The following CTNNA2 variants were observed in gnomAD, a reference collection of about 807,000 sequenced individuals.
The protein encoded by CTNNA2 is catenin alpha-2.
CTNNA2 carries 42 observed loss-of-function variants against 101.0 expected under a neutral mutation model. The ratio of observed to expected loss-of-function variants is 0.42; its 90% CI spans 0.32 to 0.54. The LOEUF (loss-of-function observed/expected upper bound fraction) is 0.54. CTNNA2 is among the 20% of genes least tolerant of loss of function. The probability of loss-of-function intolerance (pLI) is 0.14; values close to 1 mark genes in which losing one functional copy is unlikely to be tolerated. For missense variants in CTNNA2, 871 were observed against 1,223.1 expected, an observed-to-expected ratio of 0.71 and a Z score of 4.29; for synonymous variants, 450 against 456.4, an observed-to-expected ratio of 0.99 and a Z score of 0.18.
rs200120084 is a variant in CTNNA2, at chr2:80,326,657, AAG to A, written c.1057-66549_1057-66548del. Reference sequence around the variant, plus strand: ...AATAGTTCTAATTTTTTTTTAAAAAAAGAGAGGGGGAGAAGATAGAGATTCTA... The same window carrying A: ...AATAGTTCTAATTTTTTTTTAAAAAAAGAGGGGGAGAAGATAGAGATTCTA... On this transcript the variant is annotated intron_variant, in intron 7 of 18. Coordinates refer to ENST00000402739, the MANE Select transcript of CTNNA2 (RefSeq NM_001282597.3). 3.7e-3 allele frequency among the ~76,000 whole-genome samples: 557 copies of A among 152,286 alleles called. 3 individuals are homozygous for A. The highest frequency in any genetic ancestry group is 0.012 in the African/African-American group (516 of 41,556).
intron 7 of CTNNA2, among the ~76,000 whole-genome samples, chr2:80,167,322 A>T (rs1255045217): frequency 3.3e-5 from 5 of 152,234 alleles, no homozygotes; most frequent in South Asian, 2.1e-4. Flanking sequence ...GAATCATTAT[A>T]ATTGAAATAA....
chr2:80,127,140 T>C (rs1702180354), intron 7 of CTNNA2, among the ~76,000 whole-genome samples: 2 of 152,224 alleles, frequency 1.3e-5, no homozygotes, highest in Admixed American at 6.5e-5. Flanking sequence ...GATGTTTGCA[T>C]TGTGATTAGG....
chr2:80,545,392 A>G (rs1558571281), intron 10 of CTNNA2, among the ~76,000 whole-genome samples: 1 of 150,702 alleles, frequency 6.6e-6, no homozygotes, highest in Non-Finnish European at 1.5e-5. Flanking sequence ...ACAAAAAAAT[A>G]AACTAGCTGG....
intron 9 of CTNNA2, among the ~76,000 whole-genome samples, chr2:80,436,756 C>T (rs1013162329): frequency 1.3e-5 from 2 of 152,098 alleles, no homozygotes; most frequent in African/African-American, 4.8e-5. Context: ...ATGGAAGAGG[C>T]AAACAAGCTC....
intron 3 of CTNNA2, among the ~76,000 whole-genome samples, chr2:79,331,306 G>T (rs907702632): frequency 8.5e-5 from 13 of 152,092 alleles, no homozygotes; most frequent in African/African-American, 3.1e-4. Context: ...CCTCCATTAT[G>T]GTGTCTATGG....
intron 7 of CTNNA2, among the ~76,000 whole-genome samples, chr2:80,198,661 A>G (rs536602794): frequency 6.6e-6 from 1 of 152,304 alleles, no homozygotes; most frequent in South Asian, 2.1e-4. Context: ...AGAACAGTAT[A>G]TTCTCTCCTG....
At chr2:80,210,372 C>T (rs1558905840) in intron 7 of CTNNA2, among the ~76,000 whole-genome samples, 1 of 151,858 alleles carries the variant, frequency 6.6e-6, no homozygotes, top group Non-Finnish European at 1.5e-5. Context: ...CCTCCCCATA[C>T]CCCATGACAG....
chr2:80,053,476 G>A (rs952348880), intron 7 of CTNNA2, among the ~76,000 whole-genome samples: 2 of 152,180 alleles, frequency 1.3e-5, no homozygotes, highest in Non-Finnish European at 1.5e-5. Context: ...ATTTTGTTAC[G>A]TGGTGTAATT....
At chr2:79,995,414 T>A (rs906228248) in intron 7 of CTNNA2, among the ~76,000 whole-genome samples, 3 of 152,184 alleles carry the variant, frequency 2.0e-5, no homozygotes, top group Non-Finnish European at 2.9e-5. Flanking sequence ...TGCAGCCATC[T>A]AGCATCTATA....
At chr2:79,503,682 A>G (rs1203853174) in intron 4 of CTNNA2, among the ~76,000 whole-genome samples, 2 of 152,238 alleles carry the variant, frequency 1.3e-5, no homozygotes, top group Non-Finnish European at 2.9e-5. Context: ...ACCCTAATAC[A>G]TTAAAGAAAG....
chr2:79,425,228 G>A (rs922040014), intron 4 of CTNNA2, among the ~76,000 whole-genome samples: 5 of 152,098 alleles, frequency 3.3e-5, no homozygotes, highest in African/African-American at 1.2e-4. Context: ...ATGATTCAAA[G>A]GCCCCAAAGG....
Position 79,324,744 on chromosome 2 carries a change from A to G in CTNNA2, c.-318+11948A>G, listed in dbSNP as rs1463464401. Among the ~76,000 whole-genome samples the G allele has an allele frequency of 2.5e-5, 3 of 119,794 alleles. No homozygotes were observed. The South Asian group carries it at 8.4e-4, about 34-fold the overall frequency. 78.6% of individuals were successfully genotyped at this position (119,794 alleles called of 152,430 possible). ...CACCCACTACACACTACACACACAC[A>G]CACACGTACACACACTACACATGTG... On this transcript the variant is annotated intron_variant, in intron 3 of 21. Coordinates refer to the CTNNA2 transcript ENST00000466387.
chr2:80,113,779 T>C (rs1701356204), intron 7 of CTNNA2, among the ~76,000 whole-genome samples: 1 of 152,244 alleles, frequency 6.6e-6, no homozygotes, highest in Non-Finnish European at 1.5e-5. Context: ...AATCCCCGTG[T>C]ATCATAAATA....
At chr2:80,086,225 A>G (rs1699431175) in intron 7 of CTNNA2, among the ~76,000 whole-genome samples, 1 of 152,120 alleles carries the variant, frequency 6.6e-6, no homozygotes, top group Admixed American at 6.6e-5. Context: ...GAATTAAAAC[A>G]AGGACAAGTA....
chr2:80,474,455 A>G (rs958785470), intron 9 of CTNNA2, among the ~76,000 whole-genome samples: 1 of 152,166 alleles, frequency 6.6e-6, no homozygotes, highest in Non-Finnish European at 1.5e-5. Context: ...CCCCAAAACA[A>G]CAACAGCAAC....
In CTNNA2 at chr2:80,018,651, C is replaced by T. The variant is rs538863601; in HGVS notation, c.1056+108854C>T. ...AAAAAATTAGCCGGGCGTGGTGGCA[C>T]GTGCCTGTAGTCCCAGCTACTCGGG... On this transcript the variant is annotated intron_variant, in intron 7 of 18. Transcript: ENST00000402739. Among the ~76,000 whole-genome samples, 10 of 151,986 alleles carry T rather than the reference C, an allele frequency of 6.6e-5. No homozygotes were observed. The South Asian group carries it at 1.5e-3, about 22-fold the overall frequency.
intron 3 of CTNNA2, among the ~76,000 whole-genome samples, chr2:79,769,128 TA>T (rs1307226927): frequency 2.0e-5 from 3 of 152,186 alleles, no homozygotes; most frequent in African/African-American, 7.2e-5. Context: ...GTGCTGGGAT[TA>T]CAGGCATGAG....
intron 7 of CTNNA2, among the ~76,000 whole-genome samples, chr2:80,115,965 A>G (rs1366036749): frequency 4.6e-5 from 7 of 152,304 alleles, no homozygotes; most frequent in African/African-American, 1.7e-4. Flanking sequence ...AATCAGCCCG[A>G]AATGGGGGCT....
At chr2:80,410,530 G>A (rs958773791) in intron 8 of CTNNA2, among the ~76,000 whole-genome samples, 4 of 152,146 alleles carry the variant, frequency 2.6e-5, no homozygotes, top group Non-Finnish European at 4.4e-5. Context: ...CAGACTTAAC[G>A]AATGATTTTG....
Sources: gnomAD v4.1 joint callset for allele counts (sites outside exome capture counted in the v4.1 genomes callset) on GRCh38, gnomAD v4.1.1 for gene constraint, MANE v1.5 for transcripts, NCBI Gene and HGNC (gene_info 2026-07-23, HGNC 2026-07-21) for gene names.